INTS11: variants seen among roughly 807,000 people sequenced by gnomAD.
INTS11 encodes CPSF3-like protein.
A neutral mutation model predicts 78.6 loss-of-function variants in INTS11; 77 were observed. The ratio of observed to expected loss-of-function variants is 0.98; its 90% CI spans 0.81 to 1.18. INTS11 has a LOEUF of 1.18. Among genes scored for constraint, INTS11 ranks in the 50% most tolerant of loss-of-function variants. INTS11 has a pLI of 0.00. For missense variants in INTS11, 875 were observed against 825.9 expected (o/e 1.06, Z -0.73); for synonymous variants, 441 against 326.9 (o/e 1.35, Z -3.77).
intron 4 of INTS11, chr1:1,316,035 T>C (rs1642586419): frequency 8.0e-6 from 2 of 251,224 alleles, no homozygotes; most frequent in African/African-American, 2.3e-5. Flanking sequence ...AGGTTCAGAA[T>C]GTTGGCGGCC....
chr1:1,317,302 G>C (rs1262518179), intron 4 of INTS11: 1 of 164,886 alleles, frequency 6.1e-6, no homozygotes, highest in Admixed American at 6.6e-5. Flanking sequence ...GCTGAGGCAG[G>C]AGAATCGCTT....
chr1:1,320,383 C>T (rs552925037), intron 3 of INTS11, 73 bp downstream of exon 3: 24 of 1,469,782 alleles, frequency 1.6e-5, no homozygotes, highest in East Asian at 9.1e-5. Flanking sequence ...CAAACGCTGC[C>T]GAGACCAAGC....
rs771263622 is a variant in INTS11, at chr1:1,312,836, G to A, written c.1245C>T (p.Gly415=). ...TCAGGAACTCCATCTTCTTGGCCTC[G>A]CCATGCACCAGCAGCACGCTCTCCG... ...AEPESVLLVH[G]EAKKMEFLKQ... is the part of the protein sequence containing the mutation. The change falls in exon 12 of 17, where the codon GGC becomes GGT. Residue 415 remains glycine, a synonymous_variant. Transcript: ENST00000435064. 22 of 1,611,448 alleles carry A rather than the reference G, an allele frequency of 1.4e-5. No homozygotes were observed. The highest frequency in any genetic ancestry group is 5.0e-5 in the Admixed American group (3 of 60,002).
intron 1 of INTS11, among the ~76,000 whole-genome samples, chr1:1,324,071 G>A (rs1225957705): frequency 4.3e-5 from 4 of 92,642 alleles, no homozygotes; most frequent in Non-Finnish European, 8.9e-5. Context: ...GGACTGAGGG[G>A]CTGAGGGGCT....
Position 1,315,535 on chromosome 1 carries a change from C to T in INTS11, c.513G>A (p.Glu171=), listed in dbSNP as rs1260376431. Residue 171 remains glutamate, a synonymous_variant, in exon 5 of 17, where the codon GAG becomes GAA. Coordinates refer to ENST00000435064, the MANE Select transcript of INTS11 (RefSeq NM_017871.6). The part of the protein sequence containing the change: ...AAMFQIKVGS[E]SVVYTGDYNM... ...TTCCACTGACCGTGTAGACCACAGA[C>T]TCTGAGCCCACTTTAATCTGGAACA... The T allele has an allele frequency of 1.9e-6, 3 of 1,612,814 alleles. No homozygotes were observed. Among genetic ancestry groups the T allele is most frequent in the East Asian group, 2.2e-5 (1 of 44,846 alleles).
chr1:1,312,747 G>A lies in INTS11; in HGVS notation c.1294+40C>T, dbSNP rs769445926. The A allele has an allele frequency of 3.8e-6, 6 of 1,595,304 alleles. No homozygotes were observed. In the African/African-American group the frequency reaches 5.4e-5, roughly 14 times the overall value. On this transcript the variant is annotated intron_variant, in intron 12 of 16. Transcript: ENST00000435064. Reference sequence around the variant, plus strand: ...AGCCTCAGCCCAGGCTGCCCGTGCTGACCCGAGGTGGGCCCCACGCCGCCC... The same window carrying A: ...AGCCTCAGCCCAGGCTGCCCGTGCTAACCCGAGGTGGGCCCCACGCCGCCC...
chr1:1,321,784 AG>A, intron 1 of INTS11: 1 of 661,446 alleles, frequency 1.5e-6, no homozygotes, highest in Non-Finnish European at 2.3e-6. Context: ...TGGCCAGCCA[AG>A]GCACACTCAG....
At chr1:1,317,989 T>G (rs1360970889) in intron 4 of INTS11, 1 of 152,036 alleles carries the variant, frequency 6.6e-6, no homozygotes, top group Non-Finnish European at 1.5e-5. Context: ...CCTTTCAGCC[T>G]CCCGAGTAGC....
chr1:1,315,402 A>C lies in INTS11; in HGVS notation c.563+2T>G. ...GACAAAAAGACACCTCAGCCTACTT[A>C]CCCTAAGTGTCGGTCTGGGGTCATG... is the stretch of plus-strand genomic sequence containing the variant. On this transcript the variant is annotated splice_donor_variant, in intron 6 of 16. Transcript: ENST00000435064. LOFTEE classifies it high-confidence loss of function. 6.2e-7 allele frequency: 1 copy of C among 1,612,906 alleles called. No homozygotes were observed. The highest frequency in any genetic ancestry group is 8.5e-7 in the Non-Finnish European group (1 of 1,179,862).
chr1:1,322,328 A>G (rs1237188730), intron 1 of INTS11, among the ~76,000 whole-genome samples: 3 of 151,468 alleles, frequency 2.0e-5, no homozygotes, highest in Admixed American at 6.6e-5. Context: ...GTGCGGGAAT[A>G]GAGCCTGGAG....
In INTS11 at chr1:1,314,902, CGT is replaced by C; in HGVS notation, c.622_623del (p.Thr208AspfsTer4). On this transcript the variant is annotated frameshift_variant, in exon 7 of 17. Transcript: ENST00000435064. LOFTEE classifies it high-confidence loss of function. The surrounding 1 kb of genome is among the most constrained non-coding windows in gnomAD (Gnocchi z 4.2). ...GGCAGCGCTTGGAGTCACGGATGGT[CGT>C]GGCGTACGTGGACTCTGTGATGAGC... ...NLLITESTYATTIRDSKRCRE... is the reference protein window; with the variant it reads ...NLLITESTYAXTIRDSKRCRE... 6.2e-7 allele frequency: 1 copy of C among 1,613,034 alleles called. No homozygotes were observed. Among genetic ancestry groups the C allele is most frequent in the East Asian group, 2.2e-5 (1 of 44,868 alleles).
At position 1,313,025 on chromosome 1, in the gene INTS11, C is replaced by T. The variant is rs1008324045; in HGVS notation, c.1131+10G>A. 12 of 1,611,116 alleles carry T rather than the reference C, an allele frequency of 7.4e-6. No homozygotes were observed. Among genetic ancestry groups the T allele is most frequent in the Non-Finnish European group, 1.0e-5 (12 of 1,179,780 alleles). On this transcript the variant is annotated intron_variant, in intron 11 of 16. Transcript: ENST00000435064. ...CGGCCCTGCCAGCCCAGTGCGGGGT[C>T]GAGACTCACCACCTGCCGCCCCTCC...
Position 1,324,629 on chromosome 1 carries a change from A to C in INTS11, c.-21T>G, listed in dbSNP as rs779332642. The C allele has an allele frequency of 5.6e-6, 9 of 1,598,470 alleles. No individual in the cohort carries two copies. The highest frequency in any genetic ancestry group is 7.7e-6 in the Non-Finnish European group (9 of 1,174,390). On this transcript the variant is annotated 5_prime_UTR_variant, in exon 1 of 17. Transcript: ENST00000435064. ...GGCATCGTCTCCGCCGCGCTCCCGG[A>C]CCCGCGAGGCCCGCCTGCGGTGATG...
intron 1 of INTS11, among the ~76,000 whole-genome samples, chr1:1,321,475 C>T (rs539688176): frequency 1.3e-5 from 2 of 152,362 alleles, no homozygotes; most frequent in East Asian, 3.9e-4. Flanking sequence ...GCTGGACCCC[C>T]AGCAGAGCTG....
chr1:1,312,325 C>T lies in INTS11; in HGVS notation c.1508G>A (p.Gly503Asp), dbSNP rs1191516924. 6.4e-7 allele frequency: 1 copy of T among 1,555,678 alleles called. No individual in the cohort carries two copies. The stretch of plus-strand genomic sequence containing the variant: ...GAAGCGCAGCTGGTGCTCAGCCAGA[C>T]CCAGCTCTTTGAGGGCTTGCTCTGA... ...VSSEQALKELGLAEHQLRFTC... is the reference protein window; with the variant it reads ...VSSEQALKELDLAEHQLRFTC... Residue 503 changes from glycine (G) to aspartate (D), a missense_variant, in exon 15 of 17, where the codon GGT (glycine) becomes GAT (aspartate). Physicochemically the swap from Gly to Asp is moderately conservative, Grantham distance 94. Coordinates refer to ENST00000435064, the MANE Select transcript of INTS11 (RefSeq NM_017871.6).
intron 3 of INTS11, 31 bp from the exon 4 acceptor site, chr1:1,319,555 C>T: frequency 1.4e-6 from 2 of 1,475,154 alleles, no homozygotes; most frequent in Non-Finnish European, 9.2e-7. Flanking sequence ...TCAGCCTGGG[C>T]CCACCCTGCC....
Position 1,312,213 on chromosome 1 carries a change from G to GGGGGCCCGGCCCCCCCCCCCCCCCCC in INTS11, c.1607+12_1607+13insGGGGGGGGGGGGGGGGGCCGGGCCCC. On this transcript the variant is annotated intron_variant, in intron 15 of 16. Coordinates refer to ENST00000435064, the MANE Select transcript of INTS11 (RefSeq NM_017871.6). ...CCCAAGGGAGTGGGGGGGGGGCGGG[G>GGGGGCCCGGCCCCCCCCCCCCCCCCC]CCGGGCGCCCACCTCTTGAGGTGGC... 1.1e-6 allele frequency: 1 copy of GGGGGCCCGGCCCCCCCCCCCCCCCCC among 934,626 alleles called. No individual in the cohort carries two copies. Among genetic ancestry groups the GGGGGCCCGGCCCCCCCCCCCCCCCCC allele is most frequent in the Non-Finnish European group, 1.6e-6 (1 of 636,676 alleles). 57.9% of individuals were successfully genotyped at this position (934,626 alleles called of 1,614,324 possible).
Position 1,315,571 on chromosome 1 carries a change from C to G in INTS11, c.477G>C (p.Leu159=), listed in dbSNP as rs1336154818. 1 of 1,612,578 alleles carries G rather than the reference C, an allele frequency of 6.2e-7. No individual in the cohort carries two copies. The highest frequency in any genetic ancestry group is 8.5e-7 in the Non-Finnish European group (1 of 1,179,830). ...EIKAYYAGHV[L]GAAMFQIKVG... is the part of the protein sequence containing the mutation. The stretch of plus-strand genomic sequence containing the variant: ...CTTTAATCTGGAACATGGCTGCCCC[C>G]AGCACGTGGCCTGCATAGTAGGCCT... Residue 159 remains leucine (L), a synonymous_variant, in exon 5 of 17, where the codon CTG becomes CTC. Transcript: ENST00000435064.
intron 1 of INTS11, chr1:1,321,889 C>A: frequency 8.3e-7 from 1 of 1,200,946 alleles, no homozygotes; most frequent in Non-Finnish European, 1.1e-6. Context: ...GAACAGTTTT[C>A]CCCTTGAATC....
Sources: allele counts gnomAD v4.1 joint callset (sites outside exome capture counted in the v4.1 genomes callset), GRCh38; gene constraint gnomAD v4.1.1; non-coding constraint Gnocchi (gnomAD v3.1); transcripts MANE v1.5; gene names NCBI Gene and HGNC (gene_info 2026-07-23, HGNC 2026-07-21).